TMEM132B: variants seen among roughly 807,000 people sequenced by gnomAD.
The protein encoded by TMEM132B is transmembrane protein 132B.
A neutral mutation model predicts 90.8 loss-of-function variants in TMEM132B; 18 were observed. The ratio of observed to expected loss-of-function variants is 0.20; its 90% CI spans 0.14 to 0.29. TMEM132B has a LOEUF of 0.29. Among genes scored for constraint, TMEM132B ranks in the 10% least tolerant of loss-of-function variants. TMEM132B has a pLI of 1.00. For synonymous variants in TMEM132B, 504 were observed against 523.3 expected (o/e 0.96, Z 0.50); for missense variants, 1,096 against 1,326.8 (o/e 0.83, Z 2.70).
At chr12:125,238,833 CAG>C (rs1874000457) in intron 1 of TMEM132B, among the ~76,000 whole-genome samples, 1 of 152,108 alleles carries the variant, frequency 6.6e-6, no homozygotes, top group Admixed American at 6.6e-5. Flanking sequence ...TGTTAAGAGA[CAG>C]GGGAGGTGAA....
intron 3 of TMEM132B, among the ~76,000 whole-genome samples, chr12:125,485,213 AACTG>A (rs1225443329): frequency 6.6e-6 from 1 of 152,210 alleles, no homozygotes; most frequent in African/African-American, 2.4e-5. Flanking sequence ...TTGCTTGAGC[AACTG>A]ACTAATTGTG....
chr12:125,216,119 A>G (rs1354337988), intron 1 of TMEM132B, among the ~76,000 whole-genome samples: 1 of 152,202 alleles, frequency 6.6e-6, no homozygotes, highest in African/African-American at 2.4e-5. Flanking sequence ...GCCATAAGAA[A>G]ATACCACACA....
At chr12:125,534,980 T>G (rs960911202) in intron 4 of TMEM132B, among the ~76,000 whole-genome samples, 3 of 152,228 alleles carry the variant, frequency 2.0e-5, no homozygotes, top group Non-Finnish European at 4.4e-5. Context: ...TGAGGAAAGA[T>G]CTGTTGGACA....
intron 2 of TMEM132B, among the ~76,000 whole-genome samples, chr12:125,354,441 A>G (rs1877699803): frequency 2.6e-5 from 4 of 152,220 alleles, no homozygotes; most frequent in Admixed American, 2.6e-4. Context: ...GCTGCATCAT[A>G]AACTGTCTAA....
intron 3 of TMEM132B, among the ~76,000 whole-genome samples, chr12:125,432,399 GTATGTATGTGTATATATATA>G (rs1880543512): frequency 2.0e-4 from 2 of 10,192 alleles, no homozygotes; most frequent in Non-Finnish European, 3.2e-4. Flanking sequence ...ATATATATAT[GTATGTATGTGTATATATATA>G]TATGTATGTG....
intron 4 of TMEM132B, among the ~76,000 whole-genome samples, chr12:125,522,277 G>C (rs541409942): frequency 4.6e-5 from 7 of 152,278 alleles, no homozygotes; most frequent in African/African-American, 1.7e-4. Flanking sequence ...TTTGTGTCCT[G>C]TCTGTCTCAG....
chr12:125,207,736 C>T (rs1348818242), intron 1 of TMEM132B, among the ~76,000 whole-genome samples: 6 of 152,274 alleles, frequency 3.9e-5, no homozygotes, highest in South Asian at 2.1e-4. Flanking sequence ...CAGTAACTCC[C>T]GTTTCTCCCT....
chr12:125,472,698 C>T (rs548638479), intron 3 of TMEM132B, among the ~76,000 whole-genome samples: 18 of 152,190 alleles, frequency 1.2e-4, no homozygotes, highest in Admixed American at 9.2e-4. Context: ...TAAAAGAGGC[C>T]TAAGGGAGCT....
chr12:125,529,945 T>G (rs1276516110), intron 4 of TMEM132B, among the ~76,000 whole-genome samples: 1 of 152,178 alleles, frequency 6.6e-6, no homozygotes, highest in Non-Finnish European at 1.5e-5. Flanking sequence ...CATATATATA[T>G]GGGGCCGCAG....
At chr12:125,441,872 C>A (rs2136429812) in intron 3 of TMEM132B, among the ~76,000 whole-genome samples, 1 of 152,334 alleles carries the variant, frequency 6.6e-6, no homozygotes, top group South Asian at 2.1e-4. Flanking sequence ...AGCAACCCAG[C>A]CTTTGTAAAT....
intron 4 of TMEM132B, 50 bp from the exon 5 acceptor site, chr12:125,583,801 C>G (rs1006647603): frequency 1.2e-6 from 2 of 1,606,604 alleles, no homozygotes; most frequent in African/African-American, 2.7e-5. Context: ...TCCTGCTCGC[C>G]CCTGTGGTAT....
At chr12:125,301,902 A>ACAAAACAAAG (rs1875835128) in intron 1 of TMEM132B, 1 of 146,194 alleles carries the variant, frequency 6.8e-6, no homozygotes, top group African/African-American at 2.6e-5. Context: ...ACAAAACAAA[A>ACAAAACAAAG]CAAAAAAAGA....
chr12:125,266,958 G>A (rs578053413), intron 1 of TMEM132B, among the ~76,000 whole-genome samples: 1 of 152,268 alleles, frequency 6.6e-6, no homozygotes, highest in Admixed American at 6.5e-5. Context: ...AGGATAGTGA[G>A]CCTTGGTGAG....
chr12:125,511,604 G>A (rs879578185), intron 3 of TMEM132B, among the ~76,000 whole-genome samples: 33 of 151,872 alleles, frequency 2.2e-4, no homozygotes, highest in Non-Finnish European at 3.4e-4. Flanking sequence ...TAATCCCAGC[G>A]CTTTTTGGGA....
At chr12:125,623,509 T>A (rs1886161632) in intron 5 of TMEM132B, among the ~76,000 whole-genome samples, 1 of 152,000 alleles carries the variant, frequency 6.6e-6, no homozygotes, top group African/African-American at 2.4e-5. Context: ...TGGTGCCATC[T>A]AATAGGGAGT....
chr12:125,636,755 T>G (rs752660021), intron 5 of TMEM132B, among the ~76,000 whole-genome samples: 23 of 152,210 alleles, frequency 1.5e-4, no homozygotes, highest in Non-Finnish European at 3.1e-4. Context: ...CTGCGGAAAT[T>G]TATCACTGAC....
intron 1 of TMEM132B, among the ~76,000 whole-genome samples, chr12:125,189,400 A>G (rs961908242): frequency 1.4e-4 from 22 of 152,124 alleles, no homozygotes; most frequent in African/African-American, 5.3e-4. Flanking sequence ...GAGCACCCCC[A>G]CCTGCCCCAC....
chr12:125,474,569 A>G (rs1343340797), intron 3 of TMEM132B, among the ~76,000 whole-genome samples: 1 of 152,190 alleles, frequency 6.6e-6, no homozygotes, highest in African/African-American at 2.4e-5. Context: ...GATTGCAGTC[A>G]TGAGCCATCA....
intron 4 of TMEM132B, among the ~76,000 whole-genome samples, chr12:125,530,016 G>A (rs1437574513): frequency 6.6e-6 from 1 of 152,220 alleles, no homozygotes; most frequent in Non-Finnish European, 1.5e-5. Flanking sequence ...GCCGCAGAGC[G>A]AGACCCTGTC....
Sources: allele counts gnomAD v4.1 joint callset (sites outside exome capture counted in the v4.1 genomes callset), GRCh38; gene constraint gnomAD v4.1.1; transcripts MANE v1.5; gene names NCBI Gene and HGNC (gene_info 2026-07-23, HGNC 2026-07-21).